Variants in MIA2 observed in about 807,000 individuals in gnomAD.
MIA2 encodes MIA SH3 domain ER export factor 2.
Under a neutral mutation model 167.8 loss-of-function variants are expected in MIA2, and 127 were observed. That is an observed-to-expected ratio of 0.76 (90% CI 0.66 to 0.88). The LOEUF is 0.88. Among genes scored for constraint, MIA2 ranks in the 40% least tolerant of loss-of-function variants. The probability of loss-of-function intolerance (pLI) is 0.00; values close to 1 mark genes in which losing one functional copy is unlikely to be tolerated. For missense variants in MIA2, 1,690 were observed against 1,624.7 expected (o/e 1.04, Z -0.69); for synonymous variants, 552 against 541.9 (o/e 1.02, Z -0.26).
In MIA2 at chr14:39,321,171, A is replaced by G; in HGVS notation, c.3496+115A>G. The G allele has an allele frequency of 6.2e-6, 6 of 966,480 alleles. No homozygotes were observed. The South Asian group carries it at 8.7e-5, about 14-fold the overall frequency. 59.9% of individuals were successfully genotyped at this position (966,480 alleles called of 1,614,324 possible). On this transcript the variant is annotated intron_variant, in intron 24 of 28. Transcript: ENST00000640607. ...TTTGGAAAATACAGGCATTCCTTGC[A>G]CTTACTGTAGATAACTTTTATTTGG...
intron 4 of MIA2, among the ~76,000 whole-genome samples, chr14:39,249,538 A>C (rs1007015700): frequency 9.6e-6 from 1 of 104,386 alleles, no homozygotes; most frequent in Admixed American, 8.8e-5. Context: ...AAACTCAAGC[A>C]AAAAAAAAAA....
chr14:39,357,092 G>T (rs113104765), intron 23 of MIA2, among the ~76,000 whole-genome samples: 1 of 152,132 alleles, frequency 6.6e-6, no homozygotes. Context: ...GCTGAGTTCA[G>T]TTCCTGGATA....
At chr14:39,284,769 T>TA (rs2059391880) in intron 9 of MIA2, among the ~76,000 whole-genome samples, 2 of 152,124 alleles carry the variant, frequency 1.3e-5, no homozygotes, top group East Asian at 1.9e-4. Flanking sequence ...ATTTTTTTTT[T>TA]ATTGATCATT....
chr14:39,364,354 G>A (rs561747038), intron 23 of MIA2, among the ~76,000 whole-genome samples: 168 of 150,714 alleles, frequency 1.1e-3, no homozygotes, highest in African/African-American at 3.9e-3. Flanking sequence ...TGGCGACAGA[G>A]CAAGACTCTC....
Position 39,348,939 on chromosome 14 carries a change from C to T in MIA2, c.4034C>T (p.Pro1345Leu), listed in dbSNP as rs541324876. 6.2e-7 allele frequency: 1 copy of T among 1,614,030 alleles called. No individual in the cohort carries two copies. The highest frequency in any genetic ancestry group is 1.1e-5 in the South Asian group (1 of 91,070). The change falls in exon 28 of 29, where the codon CCA becomes CTA. Residue 1345 changes from proline (P) to leucine (L), a missense_variant. Pro to Leu is a moderately conservative substitution (Grantham distance 98). Coordinates refer to ENST00000640607, the MANE Select transcript of MIA2 (RefSeq NM_001329214.4). ...GGAGCTTCTCGAGATTATTTTCCAC[C>T]AGGGGATTTCCCAGGTCCACCACCT... is the stretch of plus-strand genomic sequence containing the variant. The part of the protein sequence containing the change: ...MFGASRDYFP[P>L]GDFPGPPPAP...
At chr14:39,293,905 G>T in intron 11 of MIA2, 95 bp from the exon 12 acceptor site, 2 of 911,450 alleles carry the variant, frequency 2.2e-6, no homozygotes, top group East Asian at 2.6e-5. Flanking sequence ...TTCACTTATG[G>T]AGCTAAAGTG....
At chr14:39,336,215 C>T (rs1444422336) in intron 25 of MIA2, among the ~76,000 whole-genome samples, 1 of 152,196 alleles carries the variant, frequency 6.6e-6, no homozygotes, top group East Asian at 1.9e-4. Context: ...TTTACATTCC[C>T]TCCAACAGTG....
intron 3 of MIA2, among the ~76,000 whole-genome samples, chr14:39,246,428 T>A (rs2054314207): frequency 6.6e-6 from 1 of 152,022 alleles, no homozygotes. Context: ...AACAAATAAA[T>A]CATAATGGGC....
chr14:39,288,059 C>T (rs1296500149), intron 9 of MIA2, among the ~76,000 whole-genome samples: 7 of 152,060 alleles, frequency 4.6e-5, no homozygotes, highest in African/African-American at 1.4e-4. Flanking sequence ...GTTGCACAGG[C>T]TGGTCTCGAA....
chr14:39,277,101 T>C, intron 7 of MIA2, 36 bp downstream of exon 7: 1 of 1,588,766 alleles, frequency 6.3e-7, no homozygotes, highest in Non-Finnish European at 8.6e-7. Context: ...GAATGTTCAT[T>C]TTGTCACTGG....
intron 23 of MIA2, among the ~76,000 whole-genome samples, chr14:39,382,811 G>C (rs2075193535): frequency 6.6e-6 from 1 of 152,052 alleles, no homozygotes; most frequent in Non-Finnish European, 1.5e-5. Context: ...ACACTCATAA[G>C]AGATGTCTAG....
chr14:39,331,649 C>A (rs558957579), intron 25 of MIA2, among the ~76,000 whole-genome samples: 1 of 152,130 alleles, frequency 6.6e-6, no homozygotes, highest in Non-Finnish European at 1.5e-5. Flanking sequence ...TAAGGCAGGC[C>A]TGGTGGAGCC....
At chr14:39,259,787 CCGTGTTGGTTTGCTGCACCATTAACT>C (rs2152652118) in intron 6 of MIA2, among the ~76,000 whole-genome samples, 1 of 149,708 alleles carries the variant, frequency 6.7e-6, no homozygotes, top group Non-Finnish European at 1.5e-5. Context: ...TATACATGTG[CCGTGTTGGTTTGCTGCACCATTAACT>C]CATCATTTAC....
At chr14:39,236,833 A>T (rs1490121562) in intron 1 of MIA2, 89 bp from the exon 2 acceptor site, 1 of 1,236,196 alleles carries the variant, frequency 8.1e-7, no homozygotes, top group Admixed American at 2.5e-5. Flanking sequence ...TTGGAAACAT[A>T]TAGGATGGAT....
At chr14:39,255,036 T>A (rs2054754200) in intron 6 of MIA2, among the ~76,000 whole-genome samples, 1 of 152,216 alleles carries the variant, frequency 6.6e-6, no homozygotes, top group Non-Finnish European at 1.5e-5. Context: ...CCATTGAGTC[T>A]TTGTGAAAAC....
chr14:39,377,586 C>T (rs531837301), intron 23 of MIA2, among the ~76,000 whole-genome samples: 1 of 152,138 alleles, frequency 6.6e-6, no homozygotes, highest in Non-Finnish European at 1.5e-5. Flanking sequence ...AGTCTAATAA[C>T]AGGTATACTA....
intron 17 of MIA2, among the ~76,000 whole-genome samples, chr14:39,307,125 A>G (rs567850731): frequency 6.6e-6 from 1 of 152,094 alleles, no homozygotes; most frequent in Non-Finnish European, 1.5e-5. Flanking sequence ...TTATATGTCA[A>G]AATTTTAGCT....
intron 18 of MIA2, among the ~76,000 whole-genome samples, chr14:39,309,290 G>C (rs1033963912): frequency 9.9e-5 from 15 of 152,232 alleles, no homozygotes; most frequent in African/African-American, 3.1e-4. Context: ...TCACTCTCGT[G>C]CTCAAAATCC....
At chr14:39,327,050 T>A (rs373669060) in intron 25 of MIA2, 28 bp downstream of exon 25, 3 of 1,430,576 alleles carry the variant, frequency 2.1e-6, no homozygotes, top group African/African-American at 1.5e-5. Flanking sequence ...TTATTATTTC[T>A]CTTTGAAAGG....
Sources: allele counts gnomAD v4.1 joint callset (sites outside exome capture counted in the v4.1 genomes callset), GRCh38; gene constraint gnomAD v4.1.1; transcripts MANE v1.5; gene names NCBI Gene and HGNC (gene_info 2026-07-23, HGNC 2026-07-21).